The following MYT1L variants were observed in gnomAD, a reference collection of about 807,000 sequenced individuals.
MYT1L encodes the protein myelin transcription factor 1-like protein.
Under a neutral mutation model 126.7 loss-of-function variants are expected in MYT1L, and 12 were observed. The ratio of observed to expected loss-of-function variants is 0.09; its 90% CI spans 0.06 to 0.15. MYT1L has a LOEUF of 0.15. Among genes scored for constraint, MYT1L ranks in the 10% least tolerant of loss-of-function variants. MYT1L has a pLI of 1.00. For missense variants in MYT1L, 979 were observed against 1,585.2 expected (o/e 0.62, Z 6.49); for synonymous variants, 541 against 604.2 (o/e 0.90, Z 1.53).
chr2:1,933,385 C>T (rs1329433218), intron 9 of MYT1L, among the ~76,000 whole-genome samples: 1 of 152,212 alleles, frequency 6.6e-6, no homozygotes, highest in Non-Finnish European at 1.5e-5. Flanking sequence ...GAGGAAAACA[C>T]AACTTGGGCC....
chr2:2,033,967 G>A (rs758266859), intron 4 of MYT1L, among the ~76,000 whole-genome samples: 3 of 152,140 alleles, frequency 2.0e-5, no homozygotes, highest in Non-Finnish European at 4.4e-5. Context: ...GCTCAATTCC[G>A]ACAAATAAAT....
At position 1,887,439 on chromosome 2, in the gene MYT1L, G is replaced by T. The variant is rs779308576; in HGVS notation, c.2642+49C>A. 4 of 1,612,758 alleles carry T rather than the reference G, an allele frequency of 2.5e-6. No individual in the cohort carries two copies. Among genetic ancestry groups the T allele is most frequent in the African/African-American group, 2.7e-5 (2 of 74,890 alleles). On this transcript the variant is annotated intron_variant, in intron 17 of 24. Coordinates refer to ENST00000647738, the MANE Select transcript of MYT1L (RefSeq NM_001303052.2). This position sits in a 1 kb window ranked among gnomAD's most constrained non-coding sequence, Gnocchi z 4.8. ...ATCCAGTTTTAAAAAATCAGCCAAAGAATGGGAAGATTAAGAAGATTCATA... is the reference window on the plus strand; with the variant it reads ...ATCCAGTTTTAAAAAATCAGCCAAATAATGGGAAGATTAAGAAGATTCATA...
chr2:2,055,101 T>C (rs1000066588), intron 3 of MYT1L, among the ~76,000 whole-genome samples: 5 of 152,230 alleles, frequency 3.3e-5, no homozygotes, highest in African/African-American at 1.2e-4. Context: ...AATTACTCTT[T>C]GTAATATAAA....
At chr2:1,927,832 T>C (rs2149143955) in intron 9 of MYT1L, among the ~76,000 whole-genome samples, 1 of 152,322 alleles carries the variant, frequency 6.6e-6, no homozygotes, top group African/African-American at 2.4e-5. Context: ...AATATCAAAA[T>C]ATATTTTGAC....
rs1190689551 is a variant in MYT1L, at chr2:2,208,832, A to G, written c.-420-35844T>C. ...ACCTCAGAAAGGCACATTTACCTAAAATAGAAAAACAGTAAACCTATACAT... is the reference window on the plus strand; with the variant it reads ...ACCTCAGAAAGGCACATTTACCTAAGATAGAAAAACAGTAAACCTATACAT... On this transcript the variant is annotated intron_variant, in intron 2 of 24. Coordinates refer to ENST00000647738, the MANE Select transcript of MYT1L (RefSeq NM_001303052.2). Among the ~76,000 whole-genome samples, 5 of 152,216 alleles carry G rather than the reference A, an allele frequency of 3.3e-5. No individual in the cohort carries two copies. In the East Asian group the frequency reaches 9.6e-4, roughly 29 times the overall value.
At chr2:2,071,911 G>A (rs750314098) in intron 3 of MYT1L, among the ~76,000 whole-genome samples, 5 of 152,182 alleles carry the variant, frequency 3.3e-5, no homozygotes, top group Non-Finnish European at 7.4e-5. Flanking sequence ...AGAGCTGTGG[G>A]CGAGGAGGGA....
intron 22 of MYT1L, among the ~76,000 whole-genome samples, chr2:1,807,934 G>T (rs912474802): frequency 3.3e-5 from 5 of 152,150 alleles, no homozygotes; most frequent in Non-Finnish European, 7.3e-5. Context: ...AATCATGGGG[G>T]TGGTTACCTC....
intron 3 of MYT1L, among the ~76,000 whole-genome samples, chr2:2,077,464 A>C (rs1447105646): frequency 6.6e-6 from 1 of 152,220 alleles, no homozygotes; most frequent in Non-Finnish European, 1.5e-5. Context: ...AAGGCAGAGA[A>C]TAGATTTGAA....
At chr2:1,795,982 A>G (rs975072063) in intron 23 of MYT1L, among the ~76,000 whole-genome samples, 10 of 152,360 alleles carry the variant, frequency 6.6e-5, no homozygotes, top group Admixed American at 2.6e-4. Context: ...CTGGGGCCTG[A>G]CATTGAAAGC....
intron 3 of MYT1L, among the ~76,000 whole-genome samples, chr2:2,117,467 C>T (rs370633557): frequency 1.3e-5 from 2 of 152,008 alleles, no homozygotes; most frequent in Admixed American, 6.5e-5. Flanking sequence ...GGCGGACCGC[C>T]GTGTAGGGTC....
intron 23 of MYT1L, among the ~76,000 whole-genome samples, chr2:1,799,253 G>T (rs890067490): frequency 1.3e-5 from 2 of 152,328 alleles, no homozygotes; most frequent in Non-Finnish European, 2.9e-5. Context: ...AAGGCACAAA[G>T]GAGCCAGTGA....
chr2:2,129,478 A>G (rs2082092969), intron 3 of MYT1L, among the ~76,000 whole-genome samples: 1 of 152,206 alleles, frequency 6.6e-6, no homozygotes, highest in African/African-American at 2.4e-5. Context: ...TGTGTGATAA[A>G]GAAGGCACTG....
At chr2:1,954,171 T>G (rs1351874353) in intron 8 of MYT1L, among the ~76,000 whole-genome samples, 2 of 152,158 alleles carry the variant, frequency 1.3e-5, no homozygotes, top group Non-Finnish European at 2.9e-5. Flanking sequence ...TGTACAGAGC[T>G]AGACGTTCCA....
chr2:1,947,126 G>A (rs1293566535), intron 8 of MYT1L, among the ~76,000 whole-genome samples: 2 of 152,114 alleles, frequency 1.3e-5, no homozygotes, highest in African/African-American at 4.8e-5. Flanking sequence ...TAGGCCCACC[G>A]TGACCATCTA....
chr2:1,917,142 G>A lies in MYT1L; in HGVS notation c.1618+63C>T. On this transcript the variant is annotated intron_variant, in intron 11 of 24. Coordinates refer to ENST00000647738, the MANE Select transcript of MYT1L (RefSeq NM_001303052.2). The surrounding 1 kb of genome is among the most constrained non-coding windows in gnomAD (Gnocchi z 5.9). ...AATGGAGATGATGTCAGGTAAGAGG[G>A]ATGACAGAGACAGAGTCATGGGTGT... 6.4e-7 allele frequency: 1 copy of A among 1,562,006 alleles called. No homozygotes were observed.
rs376593842 is a variant in MYT1L at position 1,997,620 on chromosome 2, C to T, written c.-157-273G>A. 3.3e-5 allele frequency among the ~76,000 whole-genome samples: 5 copies of T among 152,242 alleles called. No individual in the cohort carries two copies. The East Asian group carries it at 7.7e-4, about 23-fold the overall frequency. ...ACAGCTTGTTCTCTGCCAGCTACGTCAGCTCTGTGCTCTGCCTGATATGGT... is the reference window on the plus strand; with the variant it reads ...ACAGCTTGTTCTCTGCCAGCTACGTTAGCTCTGTGCTCTGCCTGATATGGT... On this transcript the variant is annotated intron_variant, in intron 4 of 24. Transcript: ENST00000647738.
In MYT1L at chr2:2,197,458, T is replaced by G. The variant is rs1026024103; in HGVS notation, c.-420-24470A>C. On this transcript the variant is annotated intron_variant, in intron 2 of 24. Coordinates refer to ENST00000647738, the MANE Select transcript of MYT1L (RefSeq NM_001303052.2). ...GATGAGCGCATAAAAACATGGTATA[T>G]CTATCTATCTGCAGGTGTATATACA... 5.3e-5 allele frequency among the ~76,000 whole-genome samples: 8 copies of G among 151,974 alleles called. 1 individual carries two copies. Among genetic ancestry groups the G allele is most frequent in the Non-Finnish European group, 1.0e-4 (7 of 67,956 alleles).
intron 4 of MYT1L, among the ~76,000 whole-genome samples, chr2:2,038,523 A>G (rs556556953): frequency 4.9e-4 from 75 of 152,232 alleles, no homozygotes; most frequent in African/African-American, 1.8e-3. Flanking sequence ...AGTTCGGCTC[A>G]TCTTGTCTGG....
intron 2 of MYT1L, among the ~76,000 whole-genome samples, chr2:2,183,480 A>G (rs1047650984): frequency 1.3e-5 from 2 of 152,208 alleles, no homozygotes; most frequent in Non-Finnish European, 1.5e-5. Flanking sequence ...TAGAAGCAGT[A>G]TAAAAGAAAC....
Sources: gnomAD v4.1 joint callset for allele counts (sites outside exome capture counted in the v4.1 genomes callset) on GRCh38, gnomAD v4.1.1 for gene constraint, Gnocchi (gnomAD v3.1) non-coding constraint, MANE v1.5 for transcripts, NCBI Gene and HGNC (gene_info 2026-07-23, HGNC 2026-07-21) for gene names.